MN1: variants seen among roughly 807,000 people sequenced by gnomAD.
MN1 encodes the protein MN1 proto-oncogene, transcriptional regulator.
In MN1, 19 loss-of-function variants were observed where a neutral mutation model predicts 86.9. The observed-to-expected ratio is 0.22, with a 90% CI of 0.15 to 0.32. The LOEUF is 0.32. Among genes scored for constraint, MN1 ranks in the 10% least tolerant of loss-of-function variants. The pLI is 1.00. For synonymous variants in MN1, 928 were observed against 849.6 expected, an observed-to-expected ratio of 1.09 and a Z score of -1.60; for missense variants, 1,841 against 1,862.0, an observed-to-expected ratio of 0.99 and a Z score of 0.21.
rs1933385924 is a variant in MN1 at position 27,799,380 on chromosome 22, C to T, written c.1164G>A (p.Thr388=). The change falls in exon 1 of 2, where the codon ACG becomes ACA. Residue 388 remains threonine, a synonymous_variant. Transcript: ENST00000302326. The stretch of plus-strand genomic sequence containing the variant: ...CTCCGTCCTGCAGGCCGCCGCTGGG[C>T]GTGCCCGCCTCGCCCTGCTGGGGCC... ...LPRPQQGEAG[T]PSGGLQDGGP... 5 of 1,538,918 alleles carry T rather than the reference C, an allele frequency of 3.2e-6. No individual in the cohort carries two copies. Among genetic ancestry groups the T allele is most frequent in the Non-Finnish European group, 8.7e-7 (1 of 1,146,056 alleles).
At chr22:27,753,681 ATGT>A (rs1932783806) in intron 1 of MN1, among the ~76,000 whole-genome samples, 1 of 152,164 alleles carries the variant, frequency 6.6e-6, no homozygotes, top group Non-Finnish European at 1.5e-5. Flanking sequence ...TGAAATCTGG[ATGT>A]TGTTAATACC....
Position 27,798,680 on chromosome 22 carries a change from C to A in MN1, c.1864G>T (p.Ala622Ser). The A allele has an allele frequency of 1.3e-6, 2 of 1,541,472 alleles. No individual in the cohort carries two copies. Among genetic ancestry groups the A allele is most frequent in the Non-Finnish European group, 1.7e-6 (2 of 1,151,518 alleles). ...AGRLGTFEQQ[A>S]PHLAQESAWF... is the part of the protein sequence containing the mutation. ...GCGCTCTCTTGCGCCAAGTGCGGCGCCTGCTGCTCGAAGGTGCCCAGACGC... is the reference window on the plus strand; with the variant it reads ...GCGCTCTCTTGCGCCAAGTGCGGCGACTGCTGCTCGAAGGTGCCCAGACGC... Residue 622 changes from alanine (A) to serine (S), a missense_variant, in exon 1 of 2, where the codon GCG (alanine) becomes TCG (serine). By Grantham distance (99) the Ala-to-Ser change is moderately conservative. Transcript: ENST00000302326.
intron 1 of MN1, among the ~76,000 whole-genome samples, chr22:27,752,059 C>A (rs1764754339): frequency 6.6e-6 from 1 of 152,138 alleles, no homozygotes; most frequent in Non-Finnish European, 1.5e-5. Context: ...CTTGCTCATA[C>A]TCCATTTTAC....
Position 27,796,807 on chromosome 22 carries a change from G to T in MN1, c.3737C>A (p.Ala1246Glu). ...CTGGGGTTTGGCCTTCTCCCAGGGC[G>T]CCAACGTCTTGTCGTCGTCCGCGCT... ...VDSADDDKTL[A>E]PWEKAKPQNP... Residue 1246 changes from alanine (A) to glutamate (E), a missense_variant, in exon 1 of 2, where the codon GCG (alanine) becomes GAG (glutamate). Ala to Glu is a moderately radical substitution (Grantham distance 107). Coordinates refer to ENST00000302326, the MANE Select transcript of MN1 (RefSeq NM_002430.3). 6.2e-7 allele frequency: 1 copy of T among 1,608,868 alleles called. No individual in the cohort carries two copies.
chr22:27,769,570 TGAGACAGAG>T (rs1932897566), intron 1 of MN1, among the ~76,000 whole-genome samples: 7 of 143,442 alleles, frequency 4.9e-5, no homozygotes, highest in African/African-American at 1.6e-4. Flanking sequence ...TTTTTTTTTT[TGAGACAGAG>T]TCTCGCTCTG....
intron 1 of MN1, among the ~76,000 whole-genome samples, chr22:27,753,375 T>C (rs1007953648): frequency 6.6e-6 from 1 of 152,210 alleles, no homozygotes; most frequent in African/African-American, 2.4e-5. Context: ...GTTCCCTCTC[T>C]GGACCTCAGT....
Position 27,798,945 on chromosome 22 carries a change from T to TTGC in MN1, c.1596_1598dup (p.Gln550dup), listed in dbSNP as rs34890218. ...GCTGTTGCTGCTGCTGCTGCTGCTGTTGCTGCTGCTGCTGCTGCTGCTGCT... is the reference window on the plus strand; with the variant it reads ...GCTGTTGCTGCTGCTGCTGCTGCTGTTGCTGCTGCTGCTGCTGCTGCTGCTGCT... On this transcript the variant is annotated inframe_insertion, in exon 1 of 2. Transcript: ENST00000302326. The TTGC allele has an allele frequency of 0.16, 242,844 of 1,523,566 alleles. 7,767 individuals carry two copies. Among genetic ancestry groups the TTGC allele is most frequent in the Non-Finnish European group, 0.18 (202,547 of 1,125,852 alleles). The allele number at this position is 1,523,566 out of a possible 1,614,324, so 94.4% of individuals were successfully genotyped here.
At chr22:27,753,568 T>C (rs901637588) in intron 1 of MN1, among the ~76,000 whole-genome samples, 1 of 152,226 alleles carries the variant, frequency 6.6e-6, no homozygotes, top group African/African-American at 2.4e-5. Flanking sequence ...GGGGCCCAGC[T>C]AGGTGGGCGT....
At position 27,798,876 on chromosome 22, in the gene MN1, G is replaced by C; in HGVS notation, c.1668C>G (p.Leu556=). ...QQQQQRQNAA[L]MIKQMASRNQ... The stretch of plus-strand genomic sequence containing the variant: ...TCCGCGACGCCATCTGCTTAATCAT[G>C]AGGGCCGCGTTTTGGCGCTGCTGCT... The change falls in exon 1 of 2, where the codon CTC becomes CTG. Residue 556 remains leucine (L), a synonymous_variant. Coordinates refer to ENST00000302326, the MANE Select transcript of MN1 (RefSeq NM_002430.3). The C allele has an allele frequency of 6.5e-7, 1 of 1,547,662 alleles. No homozygotes were observed. The highest frequency in any genetic ancestry group is 2.4e-5 in the East Asian group (1 of 41,012).
intron 1 of MN1, among the ~76,000 whole-genome samples, chr22:27,755,042 C>T (rs1337253439): frequency 6.6e-6 from 1 of 152,192 alleles, no homozygotes; most frequent in Non-Finnish European, 1.5e-5. Context: ...CCCCATTTGA[C>T]AGACGAGAAG....
At chr22:27,786,503 G>T (rs969121822) in intron 1 of MN1, among the ~76,000 whole-genome samples, 4 of 149,508 alleles carry the variant, frequency 2.7e-5, no homozygotes, top group African/African-American at 4.9e-5. Flanking sequence ...AGCATAAAAG[G>T]TACTGCAAAG....
At position 27,749,350 on chromosome 22, in the gene MN1, A is replaced by T. The variant is rs1017229745; in HGVS notation, c.*1565T>A. On this transcript the variant is annotated 3_prime_UTR_variant, in exon 2 of 2. Coordinates refer to ENST00000302326, the MANE Select transcript of MN1 (RefSeq NM_002430.3). ...GACCTGGAGGGGGTGGGGGAGCTCA[A>T]AGTGGAGCGTTTTAGTAAGACACGC... The T allele has an allele frequency of 2.6e-5, 6 of 231,920 alleles. No homozygotes were observed. The highest frequency in any genetic ancestry group is 4.3e-5 in the Non-Finnish European group (5 of 117,324). 14.4% of individuals were successfully genotyped at this position (231,920 alleles called of 1,614,324 possible).
intron 1 of MN1, among the ~76,000 whole-genome samples, chr22:27,766,710 A>G (rs1311092396): frequency 3.3e-5 from 5 of 152,106 alleles, no homozygotes; most frequent in Admixed American, 3.3e-4. Context: ...GACTGGGCTG[A>G]CAAGTGCTAT....
In MN1 at chr22:27,750,998, C is replaced by G. The variant is rs1334599737; in HGVS notation, c.3880G>C (p.Ala1294Pro). Reference sequence around the variant, plus strand: ...CGCCAGGTGGGCACGGAGGCTCGAGCCTTGGCGTCACCCACGTCGTCTGTG... The same window carrying G: ...CGCCAGGTGGGCACGGAGGCTCGAGGCTTGGCGTCACCCACGTCGTCTGTG... ...HCTDDVGDAK[A>P]RASVPTWRSL... The change falls in exon 2 of 2, where the codon GCT becomes CCT. Residue 1294 changes from alanine (A) to proline (P), a missense_variant. Ala to Pro is a conservative substitution (Grantham distance 27). Transcript: ENST00000302326. 6.8e-6 allele frequency: 11 copies of G among 1,613,032 alleles called. No homozygotes were observed. Among genetic ancestry groups the G allele is most frequent in the South Asian group, 1.1e-5 (1 of 90,954 alleles).
chr22:27,751,144 G>C, intron 1 of MN1, 48 bp from the exon 2 acceptor site: 1 of 1,487,776 alleles, frequency 6.7e-7, no homozygotes, highest in Non-Finnish European at 9.0e-7. Flanking sequence ...ACTCGTCTCT[G>C]AGGGACACCA....
At chr22:27,780,992 G>T (rs915702151) in intron 1 of MN1, among the ~76,000 whole-genome samples, 1 of 151,916 alleles carries the variant, frequency 6.6e-6, no homozygotes, top group African/African-American at 2.4e-5. Flanking sequence ...GTGCAGTGGC[G>T]TGATCACAAC....
chr22:27,781,949 T>C (rs901214420), intron 1 of MN1, among the ~76,000 whole-genome samples: 1 of 151,954 alleles, frequency 6.6e-6, no homozygotes, highest in Non-Finnish European at 1.5e-5. Flanking sequence ...ACGCAGGGGT[T>C]TAATTTTTCT....
In MN1 at chr22:27,798,126, C is replaced by G. The variant is rs755474680; in HGVS notation, c.2418G>C (p.Ser806=). 2.6e-5 allele frequency: 42 copies of G among 1,606,852 alleles called. No individual in the cohort carries two copies. The Middle Eastern group carries it at 4.3e-3, about 164-fold the overall frequency. Residue 806 remains serine, a synonymous_variant, in exon 1 of 2, where the codon TCG becomes TCC. Transcript: ENST00000302326. ...RTSASKLGAL[S]LGSFNKPSSK... is the part of the protein sequence containing the mutation. ...AGCTGGGCTTGTTGAAGGAGCCCAG[C>G]GAGAGCGCGCCCAATTTACTGGCCG...
In MN1 at chr22:27,799,286, G is replaced by C. The variant is rs766833734; in HGVS notation, c.1258C>G (p.His420Asp). 59 of 1,586,386 alleles carry C rather than the reference G, an allele frequency of 3.7e-5. No homozygotes were observed. Among genetic ancestry groups the C allele is most frequent in the African/African-American group, 5.4e-5 (4 of 74,350 alleles). Residue 420 changes from histidine (H) to aspartate (D), a missense_variant, in exon 1 of 2, where the codon CAC becomes GAC. By Grantham distance (81) the His-to-Asp change is moderately conservative. Coordinates refer to ENST00000302326, the MANE Select transcript of MN1 (RefSeq NM_002430.3). ...CTGAAAACAGGCTCGGAATAAGGGT[G>C]CATGCTCCGGTTCTCCAGCCGGTGG... ...PIHRLENRSM[H>D]PYSEPVFSMQ...
Sources: allele counts gnomAD v4.1 joint callset (sites outside exome capture counted in the v4.1 genomes callset), GRCh38; gene constraint gnomAD v4.1.1; transcripts MANE v1.5; gene names NCBI Gene and HGNC (gene_info 2026-07-23, HGNC 2026-07-21).